INTS8: variants seen among roughly 807,000 people sequenced by gnomAD.
INTS8 encodes the protein integrator complex subunit 8, also known as protein kaonashi-1.
INTS8 carries 47 observed loss-of-function variants against 138.9 expected under a neutral mutation model. The observed-to-expected ratio is 0.34, with a 90% CI of 0.27 to 0.43. INTS8 has a LOEUF of 0.43. INTS8 is among the 20% of genes least tolerant of loss of function. The pLI is 1.00. For missense variants in INTS8, 996 were observed against 1,173.0 expected, an observed-to-expected ratio of 0.85 and a Z score of 2.20; for synonymous variants, 392 against 400.9, an observed-to-expected ratio of 0.98 and a Z score of 0.27.
intron 12 of INTS8, among the ~76,000 whole-genome samples, chr8:94,850,777 T>C (rs546554029): frequency 6.6e-6 from 1 of 152,286 alleles, no homozygotes; most frequent in South Asian, 2.1e-4. Flanking sequence ...ATCACTGTGC[T>C]AGTATCTGCT....
chr8:94,825,665 A>G (rs1164295282), intron 2 of INTS8, among the ~76,000 whole-genome samples: 1 of 152,158 alleles, frequency 6.6e-6, no homozygotes, highest in Non-Finnish European at 1.5e-5. Context: ...ACTATCTCCT[A>G]TTAAAACAGC....
At chr8:94,866,311 G>A (rs112504633) in intron 18 of INTS8, 120 bp downstream of exon 18, 74 of 651,828 alleles carry the variant, frequency 1.1e-4, no homozygotes, top group African/African-American at 1.0e-3. Flanking sequence ...TTTTTTTTAA[G>A]GGACAGGGTC....
chr8:94,861,256 A>ATTTTTTTTTTTTTTTTTTTTTTT lies in INTS8; in HGVS notation c.2076+1625_2076+1647dup, dbSNP rs1210530804. On this transcript the variant is annotated intron_variant, in intron 16 of 26. Transcript: ENST00000523731. ...CTTCAGTTTTTCCCCCCTTTTTGTA[A>ATTTTTTTTTTTTTTTTTTTTTTT]TTTTTTTTTTTTTTTTTTTTTTTGA... is the stretch of plus-strand genomic sequence containing the variant. Among the ~76,000 whole-genome samples the ATTTTTTTTTTTTTTTTTTTTTTT allele has an allele frequency of 1.2e-4, 7 of 57,388 alleles. 1 individual carries two copies. The highest frequency in any genetic ancestry group is 5.6e-4 in the Admixed American group (2 of 3,584). The allele number at this position is 57,388 out of a possible 152,430, so 37.6% of individuals were successfully genotyped here. A position where few individuals can be genotyped will look rare whatever the true frequency, so the allele number is the denominator to read the frequency against.
Position 94,875,067 on chromosome 8 carries a change from C to T in INTS8, c.2688+465C>T, listed in dbSNP as rs113988996. ...ACTCAGGAAAACAGTTTCCCAGTTC[C>T]TCAAAAAGGTAAACATAAGAATTAC... On this transcript the variant is annotated intron_variant, in intron 23 of 26. Transcript: ENST00000523731. Among the ~76,000 whole-genome samples, 735 of 151,276 alleles carry T rather than the reference C, an allele frequency of 4.9e-3. 3 individuals carry two copies. The highest frequency in any genetic ancestry group is 0.016 in the African/African-American group (673 of 41,216).
At chr8:94,840,224 T>G (rs376531337) in intron 8 of INTS8, among the ~76,000 whole-genome samples, 1 of 152,356 alleles carries the variant, frequency 6.6e-6, no homozygotes, top group African/African-American at 2.4e-5. Context: ...CTTCTCACAC[T>G]TGAGAAGCTG....
chr8:94,876,489 A>T lies in INTS8; in HGVS notation c.2871A>T (p.Ala957=), dbSNP rs750425369. 1.3e-6 allele frequency: 2 copies of T among 1,547,538 alleles called. No individual in the cohort carries two copies. The highest frequency in any genetic ancestry group is 1.7e-5 in the Admixed American group (1 of 58,324). ...GAGAAACAGATAAAAGACAAATTGC[A>T]GTAAGTTACCTTATGCCTTTCTTCA... ...KRGETDKRQI[A]IKAIGQTELN... is the part of the protein sequence containing the mutation. The change falls in exon 26 of 27, where the codon GCA becomes GCT. Residue 957 remains alanine (A), a splice_region_variant and synonymous_variant. Transcript: ENST00000523731.
rs1267532963 is a variant in INTS8 at position 94,880,243 on chromosome 8, AT to A, written c.*16del. The A allele has an allele frequency of 8.6e-6, 13 of 1,504,390 alleles. No homozygotes were observed. Among genetic ancestry groups the A allele is most frequent in the Non-Finnish European group, 1.2e-5 (13 of 1,096,534 alleles). 93.2% of individuals were successfully genotyped at this position (1,504,390 alleles called of 1,614,324 possible). The stretch of plus-strand genomic sequence containing the variant: ...CAAAACTTTACTTTTAAGCAGTTAA[AT>A]TTTTTTAACTTTTATTTTTTAAACA... On this transcript the variant is annotated 3_prime_UTR_variant, in exon 27 of 27. Transcript: ENST00000523731.
intron 3 of INTS8, 140 bp from the exon 4 acceptor site, chr8:94,827,582 A>G: frequency 9.8e-7 from 1 of 1,015,602 alleles, no homozygotes; most frequent in Non-Finnish European, 1.5e-6. Flanking sequence ...ATCTGATAAA[A>G]ATGTGGATGA....
chr8:94,876,704 C>A, intron 26 of INTS8: 1 of 446,540 alleles, frequency 2.2e-6, no homozygotes, highest in Non-Finnish European at 3.9e-6. Flanking sequence ...ATTTCTCAGT[C>A]CCAAACTTTC....
At chr8:94,863,754 G>A (rs1306331510) in intron 16 of INTS8, among the ~76,000 whole-genome samples, 4 of 152,186 alleles carry the variant, frequency 2.6e-5, no homozygotes, top group African/African-American at 7.2e-5. Context: ...TATGATCCCT[G>A]ACAACAGAAG....
chr8:94,824,716 C>G (rs921764141), intron 1 of INTS8, among the ~76,000 whole-genome samples, 177 bp from the exon 2 acceptor site: 1 of 148,504 alleles, frequency 6.7e-6, no homozygotes, highest in Admixed American at 6.8e-5. Context: ...TTCTTACATA[C>G]GTATTCCTTA....
intron 23 of INTS8, among the ~76,000 whole-genome samples, chr8:94,875,765 CTG>C (rs1314416106): frequency 6.6e-6 from 1 of 152,164 alleles, no homozygotes; most frequent in African/African-American, 2.4e-5. Context: ...ATTGCACACT[CTG>C]TATGTCCTTG....
At chr8:94,866,101 T>G in intron 17 of INTS8, 57 bp from the exon 18 acceptor site, 1 of 754,106 alleles carries the variant, frequency 1.3e-6, no homozygotes, top group Middle Eastern at 3.4e-4. Context: ...TTTACTTTCT[T>G]GATTTTATTT....
chr8:94,850,776 C>CTAG (rs1441562052), intron 12 of INTS8, among the ~76,000 whole-genome samples: 3 of 152,080 alleles, frequency 2.0e-5, no homozygotes, highest in African/African-American at 7.2e-5. Context: ...TATCACTGTG[C>CTAG]TAGTATCTGC....
At chr8:94,843,276 A>G (rs553379627) in intron 10 of INTS8, among the ~76,000 whole-genome samples, 1 of 152,274 alleles carries the variant, frequency 6.6e-6, no homozygotes, top group East Asian at 1.9e-4. Flanking sequence ...CATTGCTTTA[A>G]GGTGTTAGAG....
chr8:94,857,560 C>T (rs1163720391), intron 15 of INTS8, among the ~76,000 whole-genome samples: 2 of 152,190 alleles, frequency 1.3e-5, no homozygotes, highest in Admixed American at 1.3e-4. Context: ...GGCCGGATGT[C>T]TGAAGTCAGG....
chr8:94,832,177 A>G lies in INTS8; in HGVS notation c.753+3A>G, dbSNP rs757606871. On this transcript the variant is annotated splice_donor_region_variant and intron_variant, in intron 6 of 26. Transcript: ENST00000523731. ...AAACCGAAGAAATGCAGTGCCAGGT[A>G]TTCATTTGATACTTAATTTACGTAG... is the stretch of plus-strand genomic sequence containing the variant. 2 of 1,607,518 alleles carry G rather than the reference A, an allele frequency of 1.2e-6. No individual in the cohort carries two copies. The highest frequency in any genetic ancestry group is 1.7e-6 in the Non-Finnish European group (2 of 1,178,114).
chr8:94,877,223 C>A (rs1816594030), intron 26 of INTS8, among the ~76,000 whole-genome samples: 1 of 152,078 alleles, frequency 6.6e-6, no homozygotes, highest in South Asian at 2.1e-4. Context: ...AATTGTATGG[C>A]CATATTTACT....
Position 94,881,574 on chromosome 8 carries a change from G to A in INTS8, c.*1340G>A. The A allele has an allele frequency of 6.4e-7, 1 of 1,567,034 alleles. No individual in the cohort carries two copies. Among genetic ancestry groups the A allele is most frequent in the South Asian group, 1.1e-5 (1 of 87,894 alleles). ...CTTTCTGTAAAACTTTAGTAGTTCA[G>A]TGATACCAGTTCTACCCAATCTTGG... is the stretch of plus-strand genomic sequence containing the variant. On this transcript the variant is annotated 3_prime_UTR_variant, in exon 27 of 27. Coordinates refer to ENST00000523731, the MANE Select transcript of INTS8 (RefSeq NM_017864.4).
Sources: gnomAD v4.1 joint callset for allele counts (sites outside exome capture counted in the v4.1 genomes callset) on GRCh38, gnomAD v4.1.1 for gene constraint, MANE v1.5 for transcripts, NCBI Gene and HGNC (gene_info 2026-07-23, HGNC 2026-07-21) for gene names.